Variants in MYO18B observed in about 807,000 individuals in gnomAD.
MYO18B encodes unconventional myosin-XVIIIb.
In MYO18B, 204 loss-of-function variants were observed where a neutral mutation model predicts 273.0. That is an observed-to-expected ratio of 0.75 (90% CI 0.67 to 0.84). The LOEUF is 0.84. Ranked by LOEUF, MYO18B falls within the 40% of genes least tolerant of loss-of-function variation. The pLI is 0.00. For missense variants in MYO18B, 3,212 were observed against 3,287.6 expected (o/e 0.98, Z 0.56); for synonymous variants, 1,330 against 1,305.7 (o/e 1.02, Z -0.40).
At chr22:25,871,799 AC>A (rs2091054069) in intron 22 of MYO18B, among the ~76,000 whole-genome samples, 1 of 150,654 alleles carries the variant, frequency 6.6e-6, no homozygotes. Context: ...AAAACAAAAA[AC>A]AAAAAACAAA....
At chr22:25,829,614 G>A (rs1450359971) in intron 15 of MYO18B, among the ~76,000 whole-genome samples, 5 of 151,818 alleles carry the variant, frequency 3.3e-5, no homozygotes, top group Admixed American at 1.3e-4. Context: ...CGAGGCGGGC[G>A]GATCACCTGA....
At chr22:25,875,515 A>G (rs997233882) in intron 23 of MYO18B, among the ~76,000 whole-genome samples, 5 of 137,476 alleles carry the variant, frequency 3.6e-5, no homozygotes, top group Non-Finnish European at 8.0e-5. Flanking sequence ...TCCCCCCCCC[A>G]GTGATAAGAA....
At chr22:25,928,271 T>C (rs980999217) in intron 34 of MYO18B, among the ~76,000 whole-genome samples, 1 of 151,824 alleles carries the variant, frequency 6.6e-6, no homozygotes, top group African/African-American at 2.4e-5. Flanking sequence ...GAACGGCTTG[T>C]AAAAATTGGC....
chr22:25,752,373 G>A (rs193127707), intron 1 of MYO18B, among the ~76,000 whole-genome samples: 1 of 151,014 alleles, frequency 6.6e-6, no homozygotes, highest in Non-Finnish European at 1.5e-5. Context: ...ATTTTTAGTA[G>A]AGACGGGGTT....
intron 15 of MYO18B, among the ~76,000 whole-genome samples, chr22:25,831,287 A>C (rs761160253): frequency 2.6e-5 from 4 of 152,236 alleles, no homozygotes; most frequent in Non-Finnish European, 5.9e-5. Context: ...CCTCTCCTAT[A>C]GACATCAGGG....
chr22:25,851,309 C>T (rs2090419881), intron 20 of MYO18B, among the ~76,000 whole-genome samples, 161 bp from the exon 21 acceptor site: 1 of 152,130 alleles, frequency 6.6e-6, no homozygotes, highest in Non-Finnish European at 1.5e-5. Flanking sequence ...CTTAAATTAA[C>T]AAATGGAGAA....
intron 39 of MYO18B, among the ~76,000 whole-genome samples, chr22:25,985,596 G>A (rs960246530): frequency 1.3e-5 from 2 of 151,976 alleles, no homozygotes; most frequent in African/African-American, 2.4e-5. Flanking sequence ...TGGCCTTTGA[G>A]CTCTTGCTGG....
intron 1 of MYO18B, among the ~76,000 whole-genome samples, chr22:25,744,658 T>C (rs2743840): frequency 0.55 from 83,947 of 152,000 alleles, 25,450 homozygotes; most frequent in African/African-American, 0.8. Context: ...GGCATGAACC[T>C]GGGAGGTGGA....
chr22:25,756,676 A>T (rs1376107397), intron 1 of MYO18B: 1 of 152,282 alleles, frequency 6.6e-6, no homozygotes, highest in Admixed American at 6.5e-5. Context: ...AGCTTCCAGG[A>T]TGTGAAACTG....
chr22:25,766,941 GA>G (rs2086527638), intron 3 of MYO18B, among the ~76,000 whole-genome samples: 1 of 152,188 alleles, frequency 6.6e-6, no homozygotes, highest in Non-Finnish European at 1.5e-5. Context: ...CATGAGTTTG[GA>G]AAAAGAGACA....
Position 25,780,344 on chromosome 22 carries a change from A to C in MYO18B, c.2211+146A>C, listed in dbSNP as rs1230303689. 3 of 1,017,368 alleles carry C rather than the reference A, an allele frequency of 2.9e-6. No individual in the cohort carries two copies. In the African/African-American group the frequency reaches 4.9e-5, roughly 16 times the overall value. The allele number at this position is 1,017,368 out of a possible 1,614,324, so 63.0% of individuals were successfully genotyped here. A position where few individuals can be genotyped will look rare whatever the true frequency, so the allele number is the denominator to read the frequency against. On this transcript the variant is annotated intron_variant, in intron 9 of 43. Transcript: ENST00000335473. ...GGTGGCTCAGGCCTGTAATCCCAGC[A>C]CTTTGGGAGGCTGAGGTGGGTGGAT...
chr22:25,935,048 T>C (rs1482987033), intron 34 of MYO18B, among the ~76,000 whole-genome samples: 2 of 152,208 alleles, frequency 1.3e-5, no homozygotes, highest in South Asian at 4.1e-4. Context: ...CTCATTAAAA[T>C]GCCCTCTGCC....
rs1348461757 is a variant in MYO18B at position 25,768,471 on chromosome 22, A to G, written c.555A>G (p.Thr185=). 1 of 1,531,856 alleles carries G rather than the reference A, an allele frequency of 6.5e-7. No individual in the cohort carries two copies. 94.9% of individuals were successfully genotyped at this position (1,531,856 alleles called of 1,614,324 possible). A position where few individuals can be genotyped will look rare whatever the true frequency, so the allele number is the denominator to read the frequency against. ...APPCKTSPPA[T]DTGKEKKGET... is the part of the protein sequence containing the mutation. ...CTTGCAAGACCTCTCCCCCCGCCAC[A>G]GATACTGGAAAGGAAAAGAAAGGGG... The change falls in exon 4 of 44, where the codon ACA becomes ACG. Residue 185 remains threonine, a synonymous_variant. Coordinates refer to ENST00000335473, the MANE Select transcript of MYO18B (RefSeq NM_032608.7).
intron 34 of MYO18B, among the ~76,000 whole-genome samples, chr22:25,945,587 A>T (rs957737230): frequency 1.3e-5 from 2 of 151,938 alleles, no homozygotes; most frequent in African/African-American, 4.8e-5. Flanking sequence ...TTGTGAAGAC[A>T]TGAGGGCCGC....
chr22:25,822,447 T>C (rs1327085425), intron 12 of MYO18B, among the ~76,000 whole-genome samples: 1 of 152,238 alleles, frequency 6.6e-6, no homozygotes, highest in Non-Finnish European at 1.5e-5. Flanking sequence ...TATCTATTTG[T>C]TTACTTGTCT....
intron 42 of MYO18B, among the ~76,000 whole-genome samples, chr22:26,016,801 G>C (rs1407274428): frequency 6.6e-6 from 1 of 152,198 alleles, no homozygotes; most frequent in Non-Finnish European, 1.5e-5. Context: ...CAGTACAGAG[G>C]GGGACACAGG....
At chr22:25,875,629 G>T (rs1343202207) in intron 23 of MYO18B, among the ~76,000 whole-genome samples, 18 of 152,212 alleles carry the variant, frequency 1.2e-4, no homozygotes, top group Admixed American at 1.2e-3. Context: ...TCCCAGAGTG[G>T]CTGAATCAGC....
chr22:25,745,500 C>CACAG (rs1379711071), intron 1 of MYO18B, among the ~76,000 whole-genome samples: 1 of 150,712 alleles, frequency 6.6e-6, no homozygotes, highest in East Asian at 1.9e-4. Context: ...CACACACACA[C>CACAG]ACGCACACAC....
intron 40 of MYO18B, among the ~76,000 whole-genome samples, chr22:25,995,323 G>C (rs144376776): frequency 2.2e-3 from 341 of 152,210 alleles, no homozygotes; most frequent in Non-Finnish European, 3.9e-3. Context: ...AATAAGGCCT[G>C]GTATTTAATA....
Sources: gnomAD v4.1 joint callset for allele counts (sites outside exome capture counted in the v4.1 genomes callset) on GRCh38, gnomAD v4.1.1 for gene constraint, MANE v1.5 for transcripts, NCBI Gene and HGNC (gene_info 2026-07-23, HGNC 2026-07-21) for gene names.